The following DACH2 variants were observed in gnomAD, a reference collection of about 807,000 sequenced individuals.
DACH2 encodes the protein dachshund homolog 2.
A neutral mutation model predicts 35.8 loss-of-function variants in DACH2; 17 were observed. The ratio of observed to expected loss-of-function variants is 0.48; its 90% CI spans 0.33 to 0.71. DACH2 has a LOEUF of 0.71. Among genes scored for constraint, DACH2 ranks in the 30% least tolerant of loss-of-function variants. DACH2 has a pLI of 0.02. For synonymous variants in DACH2, 195 were observed against 177.3 expected (o/e 1.10, Z -0.79); for missense variants, 469 against 472.7 (o/e 0.99, Z 0.07).
intron 2 of DACH2, among the ~76,000 whole-genome samples, chrX:86,492,339 C>T (rs1366625485): frequency 8.9e-6 from 1 of 111,780 alleles, no homozygotes; most frequent in Admixed American, 9.6e-5. Context: ...TGAATTCAAA[C>T]TTTTTCCACT....
intron 2 of DACH2, among the ~76,000 whole-genome samples, chrX:86,380,262 G>A (rs2036026996): frequency 9.1e-6 from 1 of 110,168 alleles, no homozygotes; most frequent in African/African-American, 3.3e-5. Flanking sequence ...TCACACAGAT[G>A]GTTATATGAT....
At chrX:86,370,049 C>T (rs1188873972) in intron 1 of DACH2, among the ~76,000 whole-genome samples, 1 of 111,767 alleles carries the variant, frequency 8.9e-6, no homozygotes, top group Non-Finnish European at 1.9e-5. Flanking sequence ...ATGACTACTG[C>T]ATGCCAGCAT....
chrX:86,342,999 C>A (rs766899774), intron 1 of DACH2, among the ~76,000 whole-genome samples: 1 of 111,477 alleles, frequency 9.0e-6, no homozygotes, highest in South Asian at 3.8e-4. Context: ...AAGATATATA[C>A]ATTGGCTTTT....
chrX:86,707,828 T>C (rs1379397856), intron 5 of DACH2, among the ~76,000 whole-genome samples: 2 of 100,946 alleles, frequency 2.0e-5, no homozygotes, highest in Non-Finnish European at 3.9e-5. Flanking sequence ...AGCAGGAGAA[T>C]CGCTTGAACC....
At chrX:86,725,476 G>A (rs1389268603) in intron 6 of DACH2, among the ~76,000 whole-genome samples, 2 of 111,599 alleles carry the variant, frequency 1.8e-5, no homozygotes, top group East Asian at 5.7e-4. Context: ...TATTTGTTAA[G>A]GCTGTGCTGA....
At chrX:86,182,606 A>T (rs1602261363) in intron 1 of DACH2, among the ~76,000 whole-genome samples, 1 of 111,682 alleles carries the variant, frequency 9.0e-6, no homozygotes, top group East Asian at 2.8e-4. Context: ...GAAGTCAGGT[A>T]GCGTGATGCT....
intron 3 of DACH2, among the ~76,000 whole-genome samples, chrX:86,546,437 T>A (rs2038971621): frequency 1.2e-5 from 1 of 85,286 alleles, no homozygotes; most frequent in South Asian, 5.6e-4. Flanking sequence ...CTTCTTCCTC[T>A]TCTTCTTCTT....
intron 1 of DACH2, among the ~76,000 whole-genome samples, chrX:86,348,650 C>A (rs779402917): frequency 8.9e-6 from 1 of 111,809 alleles, no homozygotes; most frequent in Non-Finnish European, 1.9e-5. Context: ...CGAATAAAGC[C>A]ATTTTCTTCA....
At chrX:86,393,441 C>A (rs746367671) in intron 2 of DACH2, among the ~76,000 whole-genome samples, 1 of 112,113 alleles carries the variant, frequency 8.9e-6, no homozygotes, top group African/African-American at 3.2e-5. Flanking sequence ...ACATAGATTA[C>A]TGGAGAGTTT....
intron 3 of DACH2, among the ~76,000 whole-genome samples, chrX:86,562,088 T>C (rs2039228821): frequency 9.1e-6 from 1 of 109,971 alleles, no homozygotes; most frequent in Admixed American, 9.7e-5. Context: ...CAACACATAC[T>C]TCTTTTTTTA....
chrX:86,556,795 T>TATATAGAGAG (rs1232719385), intron 3 of DACH2, among the ~76,000 whole-genome samples: 18 of 25,266 alleles, frequency 7.1e-4, no homozygotes, highest in Admixed American at 2.1e-3. Flanking sequence ...TATATATATA[T>TATATAGAGAG]AGAGAGAGAG....
In DACH2 at chrX:86,422,130, C is replaced by T. The variant is rs190569346; in HGVS notation, c.527+45268C>T. On this transcript the variant is annotated intron_variant, in intron 2 of 11. Transcript: ENST00000373125. Reference sequence around the variant, plus strand: ...TCTTGGTATTTAAAGATGTGACATCCTTACAACTAAGAGCCATTTTTTTTA... The same window carrying T: ...TCTTGGTATTTAAAGATGTGACATCTTTACAACTAAGAGCCATTTTTTTTA... Among the ~76,000 whole-genome samples the T allele has an allele frequency of 3.1e-4, 34 of 111,034 alleles. No homozygotes were observed. The East Asian group carries it at 4.5e-3, about 15-fold the overall frequency.
intron 2 of DACH2, among the ~76,000 whole-genome samples, chrX:86,443,088 AT>A (rs2037197807): frequency 1.8e-5 from 2 of 111,449 alleles, no homozygotes; most frequent in Admixed American, 9.6e-5. Context: ...AATTTTTAGA[AT>A]TTTTATCTAT....
chrX:86,411,274 G>A (rs2036610490), intron 2 of DACH2, among the ~76,000 whole-genome samples: 1 of 107,575 alleles, frequency 9.3e-6, no homozygotes, highest in South Asian at 4.2e-4. Flanking sequence ...ATATTTGCTG[G>A]CAGCTGACTA....
intron 2 of DACH2, among the ~76,000 whole-genome samples, chrX:86,423,685 T>C (rs2036843921): frequency 9.0e-6 from 1 of 110,700 alleles, no homozygotes; most frequent in African/African-American, 3.3e-5. Flanking sequence ...GTGTCTATTT[T>C]TCCTCTGGTT....
intron 4 of DACH2, among the ~76,000 whole-genome samples, chrX:86,676,538 C>T (rs1364166819): frequency 8.9e-6 from 1 of 111,735 alleles, no homozygotes; most frequent in Non-Finnish European, 1.9e-5. Context: ...AAATGTTCTT[C>T]CATGCTGTCC....
At chrX:86,610,422 C>CTTTCTTTCTTTCT (rs2039926899) in intron 3 of DACH2, among the ~76,000 whole-genome samples, 2 of 45,901 alleles carry the variant, frequency 4.4e-5, no homozygotes, top group Admixed American at 2.7e-4. Flanking sequence ...TCTTTCTTTT[C>CTTTCTTTCTTTCT]TTTCTTTCTT....
intron 4 of DACH2, among the ~76,000 whole-genome samples, chrX:86,688,135 C>A (rs1377333387): frequency 8.9e-6 from 1 of 112,110 alleles, no homozygotes. Context: ...AGAGTCTTAG[C>A]ACATTTCTTA....
chrX:86,177,898 A>G (rs2031356661), intron 1 of DACH2, among the ~76,000 whole-genome samples: 2 of 111,324 alleles, frequency 1.8e-5, no homozygotes, highest in South Asian at 3.8e-4. Context: ...GGGTTATCTC[A>G]ATCAGGATAG....
Sources: gnomAD v4.1 joint callset for allele counts (sites outside exome capture counted in the v4.1 genomes callset) on GRCh38, gnomAD v4.1.1 for gene constraint, MANE v1.5 for transcripts, NCBI Gene and HGNC (gene_info 2026-07-23, HGNC 2026-07-21) for gene names.